The following CLIP1 variants were observed in gnomAD, a reference collection of about 807,000 sequenced individuals.
CLIP1 encodes the protein CAP-Gly domain-containing linker protein 1.
A neutral mutation model predicts 161.6 loss-of-function variants in CLIP1; 66 were observed. That is an observed-to-expected ratio of 0.41 (90% CI 0.33 to 0.50). The LOEUF (loss-of-function observed/expected upper bound fraction) is 0.50. Among genes scored for constraint, CLIP1 ranks in the 20% least tolerant of loss-of-function variants. CLIP1 has a pLI of 0.27. For synonymous variants in CLIP1, 598 were observed against 626.2 expected (o/e 0.96, Z 0.67); for missense variants, 1,376 against 1,702.0 (o/e 0.81, Z 3.37).
intron 1 of CLIP1, among the ~76,000 whole-genome samples, chr12:122,413,545 A>C (rs561327194): frequency 6.6e-6 from 1 of 152,304 alleles, no homozygotes; most frequent in African/African-American, 2.4e-5. Flanking sequence ...AGGAGCAAAC[A>C]AACACCAAAC....
intron 17 of CLIP1, among the ~76,000 whole-genome samples, chr12:122,321,966 T>C (rs1423172316): frequency 6.6e-6 from 1 of 152,198 alleles, no homozygotes; most frequent in African/African-American, 2.4e-5. Context: ...TTTCAGACTG[T>C]AACGAACAGC....
At chr12:122,349,405 A>G (rs1292282582) in intron 9 of CLIP1, among the ~76,000 whole-genome samples, 1 of 152,326 alleles carries the variant, frequency 6.6e-6, no homozygotes, top group East Asian at 1.9e-4. Flanking sequence ...GGGACTCTAC[A>G]GTGCCTCAGC....
chr12:122,375,808 C>CT (rs10715025), intron 3 of CLIP1, among the ~76,000 whole-genome samples: 123 of 120,148 alleles, frequency 1.0e-3, no homozygotes, highest in African/African-American at 3.3e-3. Flanking sequence ...TAAAGTTACT[C>CT]TTTTTTTTTT....
intron 24 of CLIP1, chr12:122,277,273 T>C (rs79529347): frequency 0.045 from 6,785 of 151,586 alleles, 207 homozygotes; most frequent in Non-Finnish European, 0.068. Flanking sequence ...CCTTAAAAAC[T>C]TTTTTTTAAT....
chr12:122,352,408 G>A (rs1032140928), intron 8 of CLIP1, among the ~76,000 whole-genome samples: 3 of 152,058 alleles, frequency 2.0e-5, no homozygotes, highest in Non-Finnish European at 4.4e-5. Flanking sequence ...ATCATCAGAC[G>A]AACACCATTA....
intron 10 of CLIP1, chr12:122,343,474 T>C (rs962833436): frequency 3.3e-5 from 5 of 152,184 alleles, no homozygotes; most frequent in African/African-American, 9.7e-5. Flanking sequence ...AATGATTACT[T>C]ACCTGCAATA....
At chr12:122,274,262 G>A in intron 24 of CLIP1, 100 bp from the exon 25 acceptor site, 1 of 993,394 alleles carries the variant, frequency 1.0e-6, no homozygotes, top group Non-Finnish European at 1.5e-6. Context: ...TGGCGGCAAA[G>A]TGTGCAGAAG....
chr12:122,303,015 G>A (rs1051202352), intron 20 of CLIP1, among the ~76,000 whole-genome samples: 2 of 152,206 alleles, frequency 1.3e-5, no homozygotes, highest in Non-Finnish European at 2.9e-5. Context: ...ACAGGCATGA[G>A]CCACTGCATC....
chr12:122,346,543 C>T (rs1229464996), intron 10 of CLIP1, among the ~76,000 whole-genome samples: 2 of 152,160 alleles, frequency 1.3e-5, no homozygotes, highest in African/African-American at 4.8e-5. Context: ...CACTCTGTCA[C>T]CCAGGCTGGG....
chr12:122,361,228 G>C, intron 4 of CLIP1, 47 bp from the exon 5 acceptor site: 2 of 1,470,140 alleles, frequency 1.4e-6, no homozygotes, highest in African/African-American at 2.8e-5. Flanking sequence ...TTAATCACAA[G>C]AAATAATAAC....
rs746694743 is a variant in CLIP1 at position 122,355,311 on chromosome 12, A to G, written c.1007T>C (p.Leu336Ser). ...GGCGTAACGGGAGGAGGTTTCAGTC[A>G]ACTGTAAAGGAAAGTTAGAGAAATG... The part of the protein sequence containing the change: ...VSSRPSRTGL[L>S]TETSSRYARK... Residue 336 changes from leucine (L) to serine (S), a missense_variant and splice_region_variant, in exon 6 of 26, where the codon TTG becomes TCG. Physicochemically the swap from Leu to Ser is moderately radical, Grantham distance 145. This residue lies in a region of CLIP1 where 211 missense variants were observed against 295.1 expected (regional missense o/e 0.72). Transcript: ENST00000620786. This position sits in a 1 kb window ranked among gnomAD's most constrained non-coding sequence, Gnocchi z 4.1. 3 of 1,613,452 alleles carry G rather than the reference A, an allele frequency of 1.9e-6. No individual in the cohort carries two copies. The highest frequency in any genetic ancestry group is 2.2e-5 in the South Asian group (2 of 91,020).
chr12:122,319,395 C>T (rs905904909), intron 17 of CLIP1, 47 bp from the exon 18 acceptor site: 1 of 1,405,832 alleles, frequency 7.1e-7, no homozygotes, highest in Non-Finnish European at 1.0e-6. Context: ...CCCTCGCCAA[C>T]ACCGTTAGGT....
intron 1 of CLIP1, among the ~76,000 whole-genome samples, chr12:122,417,841 C>T (rs1365075547): frequency 6.6e-6 from 1 of 152,094 alleles, no homozygotes; most frequent in Non-Finnish European, 1.5e-5. Context: ...AATATTTCAA[C>T]AAATACATAT....
intron 11 of CLIP1, among the ~76,000 whole-genome samples, chr12:122,339,318 T>A (rs1284956783): frequency 6.7e-6 from 1 of 149,096 alleles, no homozygotes; most frequent in Non-Finnish European, 1.5e-5. Flanking sequence ...TTGCTGTGAA[T>A]GTTATTTATC....
chr12:122,379,787 T>C (rs1217975166), intron 2 of CLIP1, among the ~76,000 whole-genome samples: 2 of 150,092 alleles, frequency 1.3e-5, no homozygotes. Flanking sequence ...CCACTAAAAA[T>C]ACAAAAATAA....
intron 19 of CLIP1, among the ~76,000 whole-genome samples, chr12:122,314,290 CAAAA>C (rs35901280): frequency 3.0e-5 from 3 of 99,076 alleles, no homozygotes; most frequent in Admixed American, 1.1e-4. Flanking sequence ...GACTCCATCT[CAAAA>C]AAAAAAAAAA....
chr12:122,333,634 T>C (rs572045533), intron 14 of CLIP1, among the ~76,000 whole-genome samples: 79 of 152,268 alleles, frequency 5.2e-4, no homozygotes, highest in Non-Finnish European at 9.7e-4. Flanking sequence ...CTGGATGACC[T>C]TGAGGAGAGG....
intron 9 of CLIP1, among the ~76,000 whole-genome samples, chr12:122,348,692 A>G (rs919278050): frequency 3.3e-5 from 5 of 152,184 alleles, no homozygotes; most frequent in African/African-American, 1.2e-4. Context: ...AGTGACTGAC[A>G]AGGCCCACAC....
rs1956717997 is a variant in CLIP1 at position 122,415,500 on chromosome 12, AAG to A, written c.-107+7019_-107+7020del. ...CCATCTCAAAAAAAAAAAAAAAAAAAAGTGTTATCTAAAGTTTTCTATTAAAC... is the reference window on the plus strand; with the variant it reads ...CCATCTCAAAAAAAAAAAAAAAAAAATGTTATCTAAAGTTTTCTATTAAAC... On this transcript the variant is annotated intron_variant, in intron 1 of 25. Coordinates refer to ENST00000620786, the MANE Select transcript of CLIP1 (RefSeq NM_001247997.2). 2.1e-5 allele frequency among the ~76,000 whole-genome samples: 3 copies of A among 145,522 alleles called. No homozygotes were observed. In the Admixed American group the frequency reaches 2.1e-4, roughly 10 times the overall value.
Sources: gnomAD v4.1 joint callset for allele counts (sites outside exome capture counted in the v4.1 genomes callset) on GRCh38, gnomAD v4.1.1 for gene constraint, gnomAD v4.1.1 regional missense constraint, Gnocchi (gnomAD v3.1) non-coding constraint, MANE v1.5 for transcripts, NCBI Gene and HGNC (gene_info 2026-07-23, HGNC 2026-07-21) for gene names.